Variants in TNIK observed in about 807,000 individuals in gnomAD.
The protein encoded by TNIK is TRAF2 and NCK interacting kinase, also known as TRAF2 and NCK-interacting protein kinase.
TNIK carries 49 observed loss-of-function variants against 191.3 expected under a neutral mutation model. The observed-to-expected ratio is 0.26, with a 90% CI of 0.20 to 0.32. The LOEUF is 0.32. Ranked by LOEUF, TNIK falls within the 10% of genes least tolerant of loss-of-function variation. TNIK has a pLI of 1.00. For missense variants in TNIK, 1,155 were observed against 1,702.3 expected (o/e 0.68, Z 5.66); for synonymous variants, 594 against 600.9 (o/e 0.99, Z 0.17).
intron 2 of TNIK, among the ~76,000 whole-genome samples, chr3:171,247,898 G>A (rs1229332288): frequency 6.6e-6 from 1 of 152,154 alleles, no homozygotes; most frequent in African/African-American, 2.4e-5. Flanking sequence ...AAAAATGGGA[G>A]GTGACTATGT....
intron 2 of TNIK, among the ~76,000 whole-genome samples, chr3:171,252,942 A>T (rs1363463443): frequency 6.6e-6 from 1 of 152,154 alleles, no homozygotes; most frequent in African/African-American, 2.4e-5. Context: ...TAGAATGCAT[A>T]GTTTTTTGGG....
chr3:171,147,871 G>T (rs58073005), intron 12 of TNIK, among the ~76,000 whole-genome samples: 4,540 of 152,122 alleles, frequency 0.03, 217 homozygotes, highest in African/African-American at 0.1. Context: ...TGCCTCATTT[G>T]GGTCCACAAG....
At chr3:171,304,452 C>T (rs150638091) in intron 2 of TNIK, among the ~76,000 whole-genome samples, 7,762 of 152,166 alleles carry the variant, frequency 0.051, 228 homozygotes, top group Middle Eastern at 0.061. Context: ...GTCAGTGTGG[C>T]GATTCCTCAG....
intron 1 of TNIK, among the ~76,000 whole-genome samples, chr3:171,372,159 CT>C (rs1716579825): frequency 6.6e-6 from 1 of 152,158 alleles, no homozygotes; most frequent in Admixed American, 6.5e-5. Context: ...TTGTGAGGCT[CT>C]TTTCTCTCCT....
intron 23 of TNIK, among the ~76,000 whole-genome samples, chr3:171,089,591 A>C (rs1345148898): frequency 6.6e-6 from 1 of 152,170 alleles, no homozygotes; most frequent in Non-Finnish European, 1.5e-5. Context: ...GCTTAAAGGA[A>C]TCCAGTAGTA....
intron 2 of TNIK, among the ~76,000 whole-genome samples, chr3:171,277,589 G>C (rs1422172746): frequency 1.3e-5 from 2 of 152,132 alleles, no homozygotes; most frequent in African/African-American, 4.8e-5. Context: ...GCTGGTTTAG[G>C]AAATGAATAA....
intron 3 of TNIK, among the ~76,000 whole-genome samples, chr3:171,215,075 G>A (rs927519145): frequency 2.0e-5 from 3 of 152,058 alleles, no homozygotes; most frequent in African/African-American, 4.8e-5. Flanking sequence ...TTAGCAAATC[G>A]GATGAAGAAG....
At chr3:171,347,786 C>T (rs76006576) in intron 2 of TNIK, among the ~76,000 whole-genome samples, 1,900 of 152,194 alleles carry the variant, frequency 0.012, 15 homozygotes, top group Non-Finnish European at 0.018. Flanking sequence ...AAGCCATCCC[C>T]CTCTTAATAC....
At chr3:171,136,610 C>T (rs1730010268) in intron 15 of TNIK, among the ~76,000 whole-genome samples, 1 of 152,182 alleles carries the variant, frequency 6.6e-6, no homozygotes, top group Admixed American at 6.5e-5. Context: ...TCATTAATTC[C>T]TGCAGGTGCT....
chr3:171,299,787 T>C (rs887515023), intron 2 of TNIK, among the ~76,000 whole-genome samples: 14 of 152,206 alleles, frequency 9.2e-5, no homozygotes, highest in African/African-American at 3.4e-4. Context: ...AGATATTTGG[T>C]AGCACCTCTT....
chr3:171,128,382 C>A (rs1408221225), intron 16 of TNIK, among the ~76,000 whole-genome samples: 1 of 152,198 alleles, frequency 6.6e-6, no homozygotes. Flanking sequence ...CATACACACA[C>A]CTCAAAGTTT....
At chr3:171,101,137 A>G (rs1037382065) in intron 22 of TNIK, among the ~76,000 whole-genome samples, 15 of 152,098 alleles carry the variant, frequency 9.9e-5, no homozygotes, top group African/African-American at 2.2e-4. Context: ...GGCACGTATC[A>G]ATGGTCTGGT....
In TNIK at chr3:171,071,132, A is replaced by G. The variant is rs1719122548; in HGVS notation, c.3549+91T>C. 3 of 840,382 alleles carry G rather than the reference A, an allele frequency of 3.6e-6. No individual in the cohort carries two copies. The South Asian group carries it at 7.8e-5, about 22-fold the overall frequency. 52.1% of individuals were successfully genotyped at this position (840,382 alleles called of 1,614,324 possible). The stretch of plus-strand genomic sequence containing the variant: ...AAACAGGTTTATTATCTATATGAAA[A>G]TTGGTATTGGTCTATATGGACTATT... On this transcript the variant is annotated intron_variant, in intron 29 of 32. Transcript: ENST00000436636.
chr3:171,297,192 A>G (rs1174871589), intron 2 of TNIK, among the ~76,000 whole-genome samples: 2 of 152,172 alleles, frequency 1.3e-5, no homozygotes, highest in Non-Finnish European at 2.9e-5. Flanking sequence ...GAAGGAAGAG[A>G]AGACAAGAAG....
At chr3:171,426,094 A>G (rs55653100) in intron 1 of TNIK, among the ~76,000 whole-genome samples, 30,483 of 151,952 alleles carry the variant, frequency 0.2, 4,333 homozygotes, top group African/African-American at 0.41. Flanking sequence ...TGCTATAAAG[A>G]CACATGCACA....
chr3:171,281,892 G>C (rs887096859), intron 2 of TNIK, among the ~76,000 whole-genome samples: 2 of 152,218 alleles, frequency 1.3e-5, no homozygotes, highest in Non-Finnish European at 2.9e-5. Context: ...CTGATGCCTT[G>C]AGTTAGCCTT....
chr3:171,168,365 A>T (rs1471542717), intron 9 of TNIK, among the ~76,000 whole-genome samples: 1 of 152,166 alleles, frequency 6.6e-6, no homozygotes, highest in Admixed American at 6.5e-5. Context: ...GGGGAGATAC[A>T]GGAGTGGATC....
At chr3:171,309,977 T>C (rs1753845611) in intron 2 of TNIK, among the ~76,000 whole-genome samples, 1 of 152,172 alleles carries the variant, frequency 6.6e-6, no homozygotes, top group Non-Finnish European at 1.5e-5. Flanking sequence ...AGAAATCCTT[T>C]TTCTGAAATC....
chr3:171,216,038 TCA>T (rs1741418093), intron 3 of TNIK, among the ~76,000 whole-genome samples: 1 of 152,220 alleles, frequency 6.6e-6, no homozygotes, highest in Non-Finnish European at 1.5e-5. Flanking sequence ...TGCACTGCTT[TCA>T]CAGCAGCTGT....
Sources: allele counts gnomAD v4.1 joint callset (sites outside exome capture counted in the v4.1 genomes callset), GRCh38; gene constraint gnomAD v4.1.1; transcripts MANE v1.5; gene names NCBI Gene and HGNC (gene_info 2026-07-23, HGNC 2026-07-21).